Variants in MEPE observed in about 807,000 individuals in gnomAD.
MEPE encodes matrix extracellular phosphoglycoprotein.
In MEPE, 7 loss-of-function variants were observed where a neutral mutation model predicts 7.3. The ratio of observed to expected loss-of-function variants is 0.95; its 90% CI spans 0.54 to 1.79. MEPE has a LOEUF of 1.79. Ranked by LOEUF, MEPE falls within the 40% of genes most tolerant of loss-of-function variation. MEPE has a pLI of 0.00. For missense variants in MEPE, 623 were observed against 628.2 expected, an observed-to-expected ratio of 0.99 and a Z score of 0.09; for synonymous variants, 214 against 213.1, an observed-to-expected ratio of 1.00 and a Z score of -0.04.
At position 87,845,485 on chromosome 4, in the gene MEPE, G is replaced by T. The variant is rs369063049; in HGVS notation, c.617G>T (p.Ser206Ile). The T allele has an allele frequency of 1.5e-4, 242 of 1,611,382 alleles. 1 individual carries two copies. The highest frequency in any genetic ancestry group is 2.0e-4 in the Non-Finnish European group (239 of 1,177,860). The part of the protein sequence containing the change: ...KPQRDSQAQK[S>I]PVKSKSTHRI... ...CAAAGAGATTCCCAAGCCCAGAAAA[G>T]TCCAGTAAAAAGCAAAAGCACCCAT... Residue 206 changes from serine (S) to isoleucine (I), a missense_variant, in exon 4 of 4, where the codon AGT (serine) becomes ATT (isoleucine). By Grantham distance (142) the Ser-to-Ile change is moderately radical (BLOSUM62 -2). Coordinates refer to ENST00000361056, the MANE Select transcript of MEPE (RefSeq NM_020203.6).
At position 87,845,175 on chromosome 4, in the gene MEPE, A is replaced by T. The variant is rs775386752; in HGVS notation, c.307A>T (p.Ser103Cys). ...RQRLNKEYSI[S>C]NKENTHNGLR... ...GAGACTGAATAAAGAATATAGTATC[A>T]GTAACAAAGAGAATACTCACAATGG... The change falls in exon 4 of 4, where the codon AGT (serine) becomes TGT (cysteine). Residue 103 changes from serine to cysteine, a missense_variant. By Grantham distance (112) the Ser-to-Cys change is moderately radical. Coordinates refer to ENST00000361056, the MANE Select transcript of MEPE (RefSeq NM_020203.6). 1 of 1,613,814 alleles carries T rather than the reference A, an allele frequency of 6.2e-7. No individual in the cohort carries two copies. Among genetic ancestry groups the T allele is most frequent in the Admixed American group, 1.7e-5 (1 of 59,952 alleles).
Position 87,845,346 on chromosome 4 carries a change from G to C in MEPE, c.478G>C (p.Ala160Pro), listed in dbSNP as rs1005054848. The change falls in exon 4 of 4, where the codon GCG becomes CCG. Residue 160 changes from alanine to proline, a missense_variant. Physicochemically the swap from Ala to Pro is conservative, Grantham distance 27 (BLOSUM62 -1). Coordinates refer to ENST00000361056, the MANE Select transcript of MEPE (RefSeq NM_020203.6). ...NMQHIMGPVT[A>P]IKLLGEENKE... is the part of the protein sequence containing the mutation. ...GCAACATATAATGGGGCCAGTGACT[G>C]CGATTAAACTCCTGGGGGAAGAAAA... The C allele has an allele frequency of 1.2e-6, 2 of 1,613,994 alleles. No individual in the cohort carries two copies. Among genetic ancestry groups the C allele is most frequent in the East Asian group, 4.5e-5 (2 of 44,884 alleles).
chr4:87,845,734 G>A lies in MEPE; in HGVS notation c.866G>A (p.Ser289Asn), dbSNP rs1246753340. ...ATTCAAACAGGGTTTGCAGGCCCAA[G>A]TGAAGCTGAGAGTACTCATCTTGAC... is the stretch of plus-strand genomic sequence containing the variant. ...KDIQTGFAGP[S>N]EAESTHLDTK... Residue 289 changes from serine to asparagine, a missense_variant, in exon 4 of 4, where the codon AGT becomes AAT. Coordinates refer to ENST00000361056, the MANE Select transcript of MEPE (RefSeq NM_020203.6). 3 of 1,613,940 alleles carry A rather than the reference G, an allele frequency of 1.9e-6. No homozygotes were observed. The highest frequency in any genetic ancestry group is 1.1e-5 in the South Asian group (1 of 91,068).
Position 87,845,024 on chromosome 4 carries a change from G to C in MEPE, c.156G>C (p.Lys52Asn). ...KDNIGFHHLG[K>N]RINQELSSKE... ...ATATTGGTTTTCACCATTTGGGCAA[G>C]AGAATAAATCAAGAGCTATCATCTA... The change falls in exon 4 of 4, where the codon AAG becomes AAC. Residue 52 changes from lysine (K) to asparagine (N), a missense_variant. Physicochemically the swap from Lys to Asn is moderately conservative, Grantham distance 94. Coordinates refer to ENST00000361056, the MANE Select transcript of MEPE (RefSeq NM_020203.6). The C allele has an allele frequency of 6.2e-7, 1 of 1,600,042 alleles. No individual in the cohort carries two copies. The highest frequency in any genetic ancestry group is 8.5e-7 in the Non-Finnish European group (1 of 1,175,914).
chr4:87,827,724 T>C (rs931490086), intron 1 of MEPE, among the ~76,000 whole-genome samples: 4 of 152,162 alleles, frequency 2.6e-5, no homozygotes, highest in East Asian at 1.9e-4. Context: ...GAGTAAGACA[T>C]CTCTCTAATA....
chr4:87,831,447 C>T (rs1404287146), upstream of MEPE, among the ~76,000 whole-genome samples: 1 of 152,188 alleles, frequency 6.6e-6, no homozygotes, highest in Non-Finnish European at 1.5e-5. Context: ...TCACAGGCCA[C>T]ATCTGGTACC....
At chr4:87,839,588 C>CA in intron 3 of MEPE, 3 of 818,748 alleles carry the variant, frequency 3.7e-6, no homozygotes, top group Non-Finnish European at 5.8e-6. Context: ...AATTCAACTT[C>CA]ACCCAACTTT....
Position 87,845,457 on chromosome 4 carries a change from C to T in MEPE, c.589C>T (p.Pro197Ser). 6.2e-7 allele frequency: 1 copy of T among 1,613,824 alleles called. No homozygotes were observed. Among genetic ancestry groups the T allele is most frequent in the Non-Finnish European group, 8.5e-7 (1 of 1,179,956 alleles). The change falls in exon 4 of 4, where the codon CCT becomes TCT. Residue 197 changes from proline (P) to serine (S), a missense_variant. Transcript: ENST00000361056. The stretch of plus-strand genomic sequence containing the variant: ...AGCACACTCGAAGGATAAAAAGAAG[C>T]CTCAAAGAGATTCCCAAGCCCAGAA... The part of the protein sequence containing the change: ...AKAHSKDKKK[P>S]QRDSQAQKSP...
At chr4:87,835,790 C>T (rs774678393) in intron 2 of MEPE, among the ~76,000 whole-genome samples, 5 of 152,160 alleles carry the variant, frequency 3.3e-5, no homozygotes, top group South Asian at 4.1e-4. Context: ...CCACCTCTCA[C>T]GGTGGAAAAA....
At chr4:87,824,825 C>T (rs1722423279) in intron 1 of MEPE, among the ~76,000 whole-genome samples, 1 of 152,126 alleles carries the variant, frequency 6.6e-6, no homozygotes, top group African/African-American at 2.4e-5. Flanking sequence ...AGGATTTTCT[C>T]CTTTCTGCAG....
intron 3 of MEPE, among the ~76,000 whole-genome samples, chr4:87,839,264 G>A (rs1015461641): frequency 6.6e-6 from 1 of 152,128 alleles, no homozygotes; most frequent in East Asian, 1.9e-4. Flanking sequence ...AAAGGCCAAC[G>A]TTGCCAGCTT....
chr4:87,825,836 C>T (rs1722449793), intron 1 of MEPE, among the ~76,000 whole-genome samples: 1 of 152,150 alleles, frequency 6.6e-6, no homozygotes, highest in Non-Finnish European at 1.5e-5. Flanking sequence ...GCTATTATTC[C>T]TGATACCCCA....
At position 87,840,340 on chromosome 4, in the gene MEPE, C is replaced by A. The variant is rs997057743; in HGVS notation, c.108+1655C>A. ...CAGTCCCTTCTTGTAGATTCATCGG[C>A]CAAAGGGCTGGAAATAGCTTGAAAT... On this transcript the variant is annotated intron_variant, in intron 3 of 3. Coordinates refer to ENST00000361056, the MANE Select transcript of MEPE (RefSeq NM_020203.6). Among the ~76,000 whole-genome samples, 3 of 152,132 alleles carry A rather than the reference C, an allele frequency of 2.0e-5. No homozygotes were observed. In the East Asian group the frequency reaches 5.8e-4, roughly 29 times the overall value.
intron 1 of MEPE, among the ~76,000 whole-genome samples, chr4:87,827,367 G>C (rs950662099): frequency 1.3e-5 from 2 of 152,136 alleles, no homozygotes; most frequent in African/African-American, 2.4e-5. Flanking sequence ...TGAAAAAAGA[G>C]ATAAAATAAA....
At chr4:87,826,838 C>A (rs1414286883) in intron 1 of MEPE, among the ~76,000 whole-genome samples, 1 of 151,954 alleles carries the variant, frequency 6.6e-6, no homozygotes, top group Non-Finnish European at 1.5e-5. Context: ...TTTAATGGGG[C>A]TGTTGGTTTT....
intron 1 of MEPE, among the ~76,000 whole-genome samples, chr4:87,833,927 A>C (rs1312192801): frequency 1.3e-5 from 2 of 152,194 alleles, no homozygotes; most frequent in African/African-American, 4.8e-5. Flanking sequence ...GATGAAGAAA[A>C]CTGGGTCTAG....
At chr4:87,834,372 C>T (rs1560536745) in intron 1 of MEPE, among the ~76,000 whole-genome samples, 1 of 152,162 alleles carries the variant, frequency 6.6e-6, no homozygotes, top group South Asian at 2.1e-4. Context: ...AATAATTAAA[C>T]AATCTCTTTC....
Position 87,845,744 on chromosome 4 carries a change from G to C in MEPE, c.876G>C (p.Glu292Asp). ...QTGFAGPSEA[E>D]STHLDTKKPG... ...GGTTTGCAGGCCCAAGTGAAGCTGA[G>C]AGTACTCATCTTGACACAAAAAAGC... The change falls in exon 4 of 4, where the codon GAG (glutamate) becomes GAC (aspartate). Residue 292 changes from glutamate (E) to aspartate (D), a missense_variant. By Grantham distance (45) the Glu-to-Asp change is conservative. Transcript: ENST00000361056. The C allele has an allele frequency of 6.2e-7, 1 of 1,613,924 alleles. No individual in the cohort carries two copies. The highest frequency in any genetic ancestry group is 8.5e-7 in the Non-Finnish European group (1 of 1,179,924).
At chr4:87,822,364 C>A (rs1048488168) in intron 1 of MEPE, among the ~76,000 whole-genome samples, 3 of 152,086 alleles carry the variant, frequency 2.0e-5, no homozygotes, top group Non-Finnish European at 4.4e-5. Context: ...AGTGCAGACT[C>A]CCAGGACTTT....
Sources: gnomAD v4.1 joint callset for allele counts (sites outside exome capture counted in the v4.1 genomes callset) on GRCh38, gnomAD v4.1.1 for gene constraint, MANE v1.5 for transcripts, NCBI Gene and HGNC (gene_info 2026-07-23, HGNC 2026-07-21) for gene names.